The following MARS1 variants were observed in gnomAD, a reference collection of about 807,000 sequenced individuals.
MARS1 encodes the protein methionyl-tRNA synthetase 1.
A neutral mutation model predicts 119.5 loss-of-function variants in MARS1; 80 were observed. The observed-to-expected ratio is 0.67, with a 90% CI of 0.56 to 0.81. The LOEUF (loss-of-function observed/expected upper bound fraction) is 0.81, where lower values mean the gene tolerates loss of function less well. Among genes scored for constraint, MARS1 ranks in the 30% least tolerant of loss-of-function variants. The pLI is 0.00. For missense variants in MARS1, 945 were observed against 1,116.5 expected, an observed-to-expected ratio of 0.85 and a Z score of 2.19; for synonymous variants, 418 against 433.4, an observed-to-expected ratio of 0.96 and a Z score of 0.44.
chr12:57,506,935 G>A (rs1415266371), intron 11 of MARS1, among the ~76,000 whole-genome samples: 13 of 150,752 alleles, frequency 8.6e-5, no homozygotes. Flanking sequence ...AATAGTGGAG[G>A]GAAGGTCAGC....
At chr12:57,503,910 A>T (rs1594824277) in intron 10 of MARS1, 1 of 242,376 alleles carries the variant, frequency 4.1e-6, no homozygotes, top group Non-Finnish European at 7.9e-6. Context: ...CTATGTCTTC[A>T]CTTCATCACT....
In MARS1 at chr12:57,508,067, G is replaced by A. The variant is rs1291595360; in HGVS notation, c.1369-3631G>A. ...CTCCCCACATCTCAGACGATGGGCA[G>A]CCGGGCAGAGACACTCCTCACTTCC... On this transcript the variant is annotated intron_variant, in intron 11 of 20. Transcript: ENST00000262027. Among the ~76,000 whole-genome samples the A allele has an allele frequency of 3.9e-5, 6 of 152,100 alleles. No homozygotes were observed. The East Asian group carries it at 1.2e-3, about 29-fold the overall frequency.
intron 7 of MARS1, among the ~76,000 whole-genome samples, chr12:57,492,973 A>G (rs1196899385): frequency 2.6e-5 from 4 of 151,956 alleles, no homozygotes; most frequent in Non-Finnish European, 1.5e-5. Flanking sequence ...CTTTATGCAT[A>G]CTGTTCCTTC....
Position 57,490,249 on chromosome 12 carries a change from C to A in MARS1, c.533C>A (p.Thr178Asn), listed in dbSNP as rs1394369709. 6.2e-7 allele frequency: 1 copy of A among 1,613,854 alleles called. No individual in the cohort carries two copies. ...ALHSWFQTLSTQEPCQRAAET... is the reference protein window; with the variant it reads ...ALHSWFQTLSNQEPCQRAAET... ...CACAGCTGGTTCCAGACACTGAGTA[C>A]CCAGGAACCATGTCAGCGAGCTGCA... The change falls in exon 6 of 21, where the codon ACC (threonine) becomes AAC (asparagine). Residue 178 changes from threonine (T) to asparagine (N), a missense_variant. Physicochemically the swap from Thr to Asn is moderately conservative, Grantham distance 65 (BLOSUM62 0). Transcript: ENST00000262027.
At position 57,489,113 on chromosome 12, in the gene MARS1, A is replaced by G. The variant is rs774241581; in HGVS notation, c.200+4A>G. ...TCTCCACTAGTGCAATCTGCCGGTC[A>G]GTATTGGTCCTTGGTGTAGGGAGGT... On this transcript the variant is annotated splice_donor_region_variant and intron_variant, in intron 2 of 20. Coordinates refer to ENST00000262027, the MANE Select transcript of MARS1 (RefSeq NM_004990.4). The G allele has an allele frequency of 1.2e-6, 2 of 1,613,818 alleles. No homozygotes were observed. The highest frequency in any genetic ancestry group is 1.7e-5 in the Admixed American group (1 of 59,992).
chr12:57,516,407 G>A, intron 20 of MARS1, 28 bp from the exon 21 acceptor site: 1 of 1,611,996 alleles, frequency 6.2e-7, no homozygotes, highest in Non-Finnish European at 8.5e-7. Context: ...TTGCCTCACT[G>A]TTACCTCCCC....
At chr12:57,490,049 T>A in intron 5 of MARS1, 78 bp downstream of exon 5, 1 of 1,486,466 alleles carries the variant, frequency 6.7e-7, no homozygotes, top group Non-Finnish European at 9.4e-7. Context: ...TACTGAGAAC[T>A]CCCTTCAAGG....
chr12:57,494,808 G>A (rs2140011977), intron 7 of MARS1, among the ~76,000 whole-genome samples: 1 of 152,182 alleles, frequency 6.6e-6, no homozygotes, highest in South Asian at 2.1e-4. Context: ...ATGTTTCAGA[G>A]AGCGCAGGGT....
chr12:57,511,757 C>G lies in MARS1; in HGVS notation c.1428C>G (p.Pro476=), dbSNP rs756430531. Residue 476 remains proline, a synonymous_variant, in exon 12 of 21, where the codon CCC becomes CCG. Transcript: ENST00000262027. ...CATTGCCTGGCAGTGACTGGACACC[C>G]AATGCCCAGTTTATCACCCGTTCTT... ...GRTLPGSDWT[P]NAQFITRSWL... The G allele has an allele frequency of 3.1e-6, 5 of 1,614,078 alleles. No homozygotes were observed. Among genetic ancestry groups the G allele is most frequent in the Non-Finnish European group, 4.2e-6 (5 of 1,180,020 alleles).
chr12:57,493,685 A>T lies in MARS1; in HGVS notation c.770+3041A>T, dbSNP rs1408286893. On this transcript the variant is annotated intron_variant, in intron 7 of 20. Coordinates refer to ENST00000262027, the MANE Select transcript of MARS1 (RefSeq NM_004990.4). The stretch of plus-strand genomic sequence containing the variant: ...ATTATATATTATATATATTATATAT[A>T]ATATATATTATATATTATAATATAT... Among the ~76,000 whole-genome samples, 4 of 20,032 alleles carry T rather than the reference A, an allele frequency of 2.0e-4. 1 individual carries two copies. The highest frequency in any genetic ancestry group is 1.2e-3 in the African/African-American group (3 of 2,508). The allele number at this position is 20,032 out of a possible 152,430, so 13.1% of individuals were successfully genotyped here.
chr12:57,498,303 C>G, intron 8 of MARS1, 30 bp downstream of exon 8: 1 of 1,603,410 alleles, frequency 6.2e-7, no homozygotes, highest in Non-Finnish European at 8.5e-7. Flanking sequence ...GAGAGACCTC[C>G]TAAGGGAAGG....
rs200332417 is a variant in MARS1 at position 57,498,302 on chromosome 12, C to A, written c.887+29C>A. 4.0e-5 allele frequency: 64 copies of A among 1,604,524 alleles called. No homozygotes were observed. The East Asian group carries it at 1.4e-3, about 36-fold the overall frequency. On this transcript the variant is annotated intron_variant, in intron 8 of 20. Coordinates refer to ENST00000262027, the MANE Select transcript of MARS1 (RefSeq NM_004990.4). ...GAGCCAGCTGCTCGGGGAGAGACCT[C>A]CTAAGGGAAGGGCGGGTCCCAGGGG... is the stretch of plus-strand genomic sequence containing the variant.
chr12:57,500,600 G>A, intron 10 of MARS1, 78 bp downstream of exon 10: 1 of 1,414,396 alleles, frequency 7.1e-7, no homozygotes, highest in Non-Finnish European at 9.8e-7. Context: ...TCCCATTTAG[G>A]ATTTTTATTT....
At chr12:57,508,776 G>C (rs528385962) in intron 11 of MARS1, among the ~76,000 whole-genome samples, 2 of 152,114 alleles carry the variant, frequency 1.3e-5, no homozygotes, top group South Asian at 4.2e-4. Flanking sequence ...TGGCCAGGCT[G>C]GTCTCAAACT....
At chr12:57,509,566 C>A (rs1400026837) in intron 11 of MARS1, among the ~76,000 whole-genome samples, 1 of 152,134 alleles carries the variant, frequency 6.6e-6, no homozygotes, top group East Asian at 1.9e-4. Flanking sequence ...GCCACCACAC[C>A]CAGCTAATTT....
rs546532280 is a variant in MARS1 at position 57,512,765 on chromosome 12, G to C, written c.1768G>C (p.Glu590Gln). ...HLIATEYLNY[E>Q]DGKFSKSRGV... is the part of the protein sequence containing the mutation. ...CCTCTGTCCAGAGTACCTGAACTAT[G>C]AGGATGGGAAATTCTCTAAGAGCCG... The change falls in exon 15 of 21, where the codon GAG (glutamate) becomes CAG (glutamine). Residue 590 changes from glutamate to glutamine, a missense_variant. Coordinates refer to ENST00000262027, the MANE Select transcript of MARS1 (RefSeq NM_004990.4). 1.9e-6 allele frequency: 3 copies of C among 1,613,952 alleles called. No homozygotes were observed. The highest frequency in any genetic ancestry group is 2.5e-6 in the Non-Finnish European group (3 of 1,179,924).
chr12:57,515,519 C>A, intron 18 of MARS1, 183 bp downstream of exon 18: 1 of 631,492 alleles, frequency 1.6e-6, no homozygotes, highest in Non-Finnish European at 2.7e-6. Flanking sequence ...CATTGTTCTT[C>A]ATGCCAGAAA....
chr12:57,502,813 A>G (rs1429641721), intron 10 of MARS1, among the ~76,000 whole-genome samples: 4 of 151,602 alleles, frequency 2.6e-5, no homozygotes, highest in Non-Finnish European at 5.9e-5. Context: ...AGATCACGAG[A>G]TCAGGAGTTT....
At chr12:57,507,763 C>A (rs1235704690) in intron 11 of MARS1, among the ~76,000 whole-genome samples, 3 of 149,188 alleles carry the variant, frequency 2.0e-5, no homozygotes, top group East Asian at 2.1e-4. Context: ...GCTGACCCCC[C>A]ACCTCCCTCC....
Sources: gnomAD v4.1 joint callset for allele counts (sites outside exome capture counted in the v4.1 genomes callset) on GRCh38, gnomAD v4.1.1 for gene constraint, MANE v1.5 for transcripts, NCBI Gene and HGNC (gene_info 2026-07-23, HGNC 2026-07-21) for gene names.